PARVB: variants seen among roughly 807,000 people sequenced by gnomAD.
PARVB encodes parvin beta, also known as beta-parvin.
A neutral mutation model predicts 47.0 loss-of-function variants in PARVB; 46 were observed. The ratio of observed to expected loss-of-function variants is 0.98; its 90% CI spans 0.77 to 1.25. The LOEUF (loss-of-function observed/expected upper bound fraction) is 1.25. Among genes scored for constraint, PARVB ranks in the 50% most tolerant of loss-of-function variants. The probability of loss-of-function intolerance (pLI) is 0.00; values close to 1 mark genes in which losing one functional copy is unlikely to be tolerated. For missense variants in PARVB, 473 were observed against 471.6 expected, an observed-to-expected ratio of 1.00 and a Z score of -0.03; for synonymous variants, 196 against 196.3, an observed-to-expected ratio of 1.00 and a Z score of 0.01.
At chr22:44,079,293 C>A (rs1191079682) in intron 1 of PARVB, among the ~76,000 whole-genome samples, 2 of 152,160 alleles carry the variant, frequency 1.3e-5, no homozygotes, top group Non-Finnish European at 2.9e-5. Context: ...AGTGCACCAT[C>A]CTTGTGTTTG....
chr22:44,017,092 C>G (rs145453917), intron 2 of PARVB, among the ~76,000 whole-genome samples: 9,168 of 152,166 alleles, frequency 0.06, 393 homozygotes, highest in Admixed American at 0.12. Flanking sequence ...CCAGGCTGGT[C>G]TCGAACTCCT....
Position 44,168,862 on chromosome 22 carries a change from A to G in PARVB, c.*184A>G, listed in dbSNP as rs1186806250. 1.8e-6 allele frequency: 1 copy of G among 570,902 alleles called. No homozygotes were observed. The highest frequency in any genetic ancestry group is 3.1e-6 in the Non-Finnish European group (1 of 319,158). The allele number at this position is 570,902 out of a possible 1,614,324, so 35.4% of individuals were successfully genotyped here. On this transcript the variant is annotated 3_prime_UTR_variant, in exon 13 of 13. Coordinates refer to ENST00000338758, the MANE Select transcript of PARVB (RefSeq NM_013327.5). ...CTGCCTCTTTTGGTTGTTGTTCTTA[A>G]TCTCCTCTCCATGTAGTTCCCAGTG...
chr22:44,119,847 G>A, intron 4 of PARVB: 1 of 532,080 alleles, frequency 1.9e-6, no homozygotes, highest in Non-Finnish European at 3.8e-6. Flanking sequence ...TCTGAGTAGA[G>A]GACGCCGGCC....
Position 44,125,393 on chromosome 22 carries a change from A to G in PARVB, c.377-6094A>G, listed in dbSNP as rs1275746435. On this transcript the variant is annotated intron_variant, in intron 4 of 12. Transcript: ENST00000338758. The surrounding 1 kb of genome is among the most constrained non-coding windows in gnomAD (Gnocchi z 4.1). ...AAGTATTATGGGGTGGAGTGGTTCAACCTGAAACCTAGATGATGTTTTAAA... is the reference window on the plus strand; with the variant it reads ...AAGTATTATGGGGTGGAGTGGTTCAGCCTGAAACCTAGATGATGTTTTAAA... Among the ~76,000 whole-genome samples the G allele has an allele frequency of 6.6e-6, 1 of 152,146 alleles. No homozygotes were observed. The highest frequency in any genetic ancestry group is 1.5e-5 in the Non-Finnish European group (1 of 68,028).
chr22:44,016,099 C>CTTTTTTT (rs562590606), intron 2 of PARVB, among the ~76,000 whole-genome samples: 12 of 129,192 alleles, frequency 9.3e-5, no homozygotes, highest in African/African-American at 2.7e-4. Context: ...TTCTTTCTTT[C>CTTTTTTT]TTTTTTTTTT....
intron 4 of PARVB, among the ~76,000 whole-genome samples, chr22:44,119,461 G>A (rs777879487): frequency 1.3e-5 from 2 of 152,174 alleles, no homozygotes; most frequent in African/African-American, 2.4e-5. Flanking sequence ...GAACTCCTTC[G>A]GTTCAGGATG....
chr22:44,023,380 G>C (rs1018915517), upstream of PARVB, among the ~76,000 whole-genome samples: 17 of 151,904 alleles, frequency 1.1e-4, no homozygotes, highest in Non-Finnish European at 8.8e-5. Flanking sequence ...TCGTGGTGGC[G>C]TGCACCTGTA....
intron 1 of PARVB, among the ~76,000 whole-genome samples, chr22:44,072,735 G>A (rs541475477): frequency 3.9e-5 from 6 of 152,212 alleles, no homozygotes; most frequent in East Asian, 1.9e-4. Flanking sequence ...GAACCATCGC[G>A]CCTGGCCCAG....
At chr22:44,118,247 C>T (rs2052957507) in intron 3 of PARVB, among the ~76,000 whole-genome samples, 1 of 152,210 alleles carries the variant, frequency 6.6e-6, no homozygotes, top group Non-Finnish European at 1.5e-5. Flanking sequence ...AGGACGGAAA[C>T]ATGCTATAAC....
rs1543791 is a variant in PARVB at position 44,081,748 on chromosome 22, C to G, written c.113-12180C>G. ...CAGCTTGCTGGCAAGTGGCTGGGCT[C>G]GGAGGGGCGGTGACGGTGACACACG... On this transcript the variant is annotated intron_variant, in intron 1 of 12. Transcript: ENST00000338758. 1.4e-5 allele frequency: 5 copies of G among 353,652 alleles called. No homozygotes were observed. The Admixed American group carries it at 3.2e-4, about 23-fold the overall frequency. 21.9% of individuals were successfully genotyped at this position (353,652 alleles called of 1,614,324 possible).
upstream of PARVB, chr22:44,024,257 C>A: frequency 1.3e-6 from 1 of 742,556 alleles, no homozygotes. Context: ...GGGCCGGCGG[C>A]GGGGCCGCGC....
chr22:44,038,424 C>T (rs997097752), intron 1 of PARVB, among the ~76,000 whole-genome samples: 4 of 152,096 alleles, frequency 2.6e-5, no homozygotes, highest in African/African-American at 7.2e-5. Flanking sequence ...TTCTGTAAAG[C>T]CTACTTAACT....
chr22:44,066,024 A>T (rs2051516448), intron 1 of PARVB, among the ~76,000 whole-genome samples: 1 of 152,196 alleles, frequency 6.6e-6, no homozygotes, highest in African/African-American at 2.4e-5. Flanking sequence ...GTAGATACCC[A>T]GTAGTCTCCT....
chr22:44,082,683 G>A (rs945242137), intron 1 of PARVB, among the ~76,000 whole-genome samples: 4 of 152,152 alleles, frequency 2.6e-5, no homozygotes, highest in African/African-American at 9.7e-5. Flanking sequence ...AGGTGGGTTA[G>A]ACGGCCAACC....
At chr22:44,101,688 C>G (rs959702672) in intron 3 of PARVB, among the ~76,000 whole-genome samples, 1 of 150,410 alleles carries the variant, frequency 6.6e-6, no homozygotes, top group Non-Finnish European at 1.5e-5. Context: ...GCAGATGTTG[C>G]GTTGAGCCGA....
chr22:44,023,527 T>TAAAACAAAACAAAACAAAAC (rs1017139457), upstream of PARVB, among the ~76,000 whole-genome samples: 5 of 93,252 alleles, frequency 5.4e-5, no homozygotes, highest in Non-Finnish European at 1.0e-4. Context: ...TAAAATAAAA[T>TAAAACAAAACAAAACAAAAC]AAAACAAAAC....
intron 6 of PARVB, among the ~76,000 whole-genome samples, chr22:44,134,052 T>C (rs111660159): frequency 6.6e-6 from 1 of 152,276 alleles, no homozygotes; most frequent in African/African-American, 2.4e-5. Context: ...GTGTTTATTT[T>C]ACTCGAGACA....
chr22:44,101,541 G>A (rs1185492376), intron 3 of PARVB, among the ~76,000 whole-genome samples: 1 of 152,094 alleles, frequency 6.6e-6, no homozygotes, highest in East Asian at 1.9e-4. Flanking sequence ...CCTGAGGTGA[G>A]GAGTTCGAGA....
At chr22:44,051,188 A>C (rs1601529084) in intron 1 of PARVB, among the ~76,000 whole-genome samples, 1 of 152,226 alleles carries the variant, frequency 6.6e-6, no homozygotes, top group African/African-American at 2.4e-5. Context: ...AAAAGGTCTC[A>C]TTTGACAGGT....
Sources: gnomAD v4.1 joint callset for allele counts (sites outside exome capture counted in the v4.1 genomes callset) on GRCh38, gnomAD v4.1.1 for gene constraint, Gnocchi (gnomAD v3.1) non-coding constraint, MANE v1.5 for transcripts, NCBI Gene and HGNC (gene_info 2026-07-23, HGNC 2026-07-21) for gene names.